The following GPC6 variants were observed in gnomAD, a reference collection of about 807,000 sequenced individuals.
GPC6 encodes the protein glypican 6, also known as glypican-6.
GPC6 carries 14 observed loss-of-function variants against 55.2 expected under a neutral mutation model. The observed-to-expected ratio is 0.25, with a 90% CI of 0.17 to 0.40. The LOEUF (loss-of-function observed/expected upper bound fraction) is 0.40. GPC6 is among the 10% of genes least tolerant of loss of function. GPC6 has a pLI of 1.00. For synonymous variants in GPC6, 278 were observed against 259.6 expected, an observed-to-expected ratio of 1.07 and a Z score of -0.68; for missense variants, 641 against 708.5, an observed-to-expected ratio of 0.90 and a Z score of 1.08.
intron 2 of GPC6, among the ~76,000 whole-genome samples, chr13:93,762,753 T>A (rs2138879136): frequency 6.6e-6 from 1 of 152,354 alleles, no homozygotes; most frequent in Admixed American, 6.5e-5. Flanking sequence ...TAAGTCAGGT[T>A]CTGATGTGCT....
At chr13:94,287,807 C>T (rs1450724199) in intron 5 of GPC6, among the ~76,000 whole-genome samples, 3 of 152,254 alleles carry the variant, frequency 2.0e-5, no homozygotes, top group South Asian at 2.1e-4. Context: ...TTGAAAGGCA[C>T]GGTATCCCGT....
chr13:94,218,912 G>T (rs946873872), intron 4 of GPC6, among the ~76,000 whole-genome samples: 7 of 152,086 alleles, frequency 4.6e-5, no homozygotes, highest in African/African-American at 1.4e-4. Flanking sequence ...TCTGATGAAG[G>T]TGGTTACTCT....
intron 1 of GPC6, among the ~76,000 whole-genome samples, chr13:93,423,903 A>G (rs1337669946): frequency 2.0e-5 from 3 of 149,396 alleles, no homozygotes; most frequent in Non-Finnish European, 4.5e-5. Flanking sequence ...GCCAGTATTT[A>G]AGGAATGGAT....
At chr13:93,541,734 T>C (rs1207862521) in intron 1 of GPC6, among the ~76,000 whole-genome samples, 6 of 147,940 alleles carry the variant, frequency 4.1e-5, no homozygotes, top group African/African-American at 1.5e-4. Flanking sequence ...TGCTGTGAGA[T>C]GGTATCTCAT....
intron 1 of GPC6, among the ~76,000 whole-genome samples, chr13:93,341,626 C>T (rs933969022): frequency 2.6e-4 from 39 of 149,184 alleles, no homozygotes; most frequent in African/African-American, 8.8e-4. Context: ...GCTTGAGTTC[C>T]TTGTAGATTC....
intron 2 of GPC6, among the ~76,000 whole-genome samples, chr13:93,560,357 A>G (rs1163999088): frequency 6.6e-6 from 1 of 151,798 alleles, no homozygotes; most frequent in Non-Finnish European, 1.5e-5. Flanking sequence ...AAAAAAAAAA[A>G]AAAAAAAATT....
intron 2 of GPC6, among the ~76,000 whole-genome samples, chr13:93,794,933 C>T (rs2138927799): frequency 6.6e-6 from 1 of 152,296 alleles, no homozygotes; most frequent in African/African-American, 2.4e-5. Flanking sequence ...TCACTCTTTT[C>T]CATCAGCCCC....
intron 4 of GPC6, among the ~76,000 whole-genome samples, chr13:94,262,493 T>G (rs1594108379): frequency 6.6e-6 from 1 of 151,950 alleles, no homozygotes; most frequent in Non-Finnish European, 1.5e-5. Flanking sequence ...GCCAACATGG[T>G]GAAACCCCGT....
intron 4 of GPC6, among the ~76,000 whole-genome samples, chr13:94,123,716 G>C (rs898014115): frequency 6.6e-6 from 1 of 151,956 alleles, no homozygotes; most frequent in African/African-American, 2.4e-5. Flanking sequence ...AAAAGGGAGT[G>C]GGGGAGGGGG....
intron 1 of GPC6, among the ~76,000 whole-genome samples, chr13:93,534,174 C>G (rs975463495): frequency 1.3e-5 from 2 of 152,156 alleles, no homozygotes; most frequent in Non-Finnish European, 2.9e-5. Flanking sequence ...GAAGGCCCAT[C>G]TCTCTCTTTC....
chr13:93,441,576 G>T (rs1877804870), intron 1 of GPC6, among the ~76,000 whole-genome samples: 1 of 152,196 alleles, frequency 6.6e-6, no homozygotes, highest in African/African-American at 2.4e-5. Context: ...TGAGTTCTTT[G>T]TAGATTCTGG....
At chr13:93,768,916 C>A (rs1885206018) in intron 2 of GPC6, among the ~76,000 whole-genome samples, 1 of 152,010 alleles carries the variant, frequency 6.6e-6, no homozygotes, top group African/African-American at 2.4e-5. Context: ...CAACTGGGAG[C>A]TTTATGGGAT....
At chr13:93,648,275 A>T (rs1366209866) in intron 2 of GPC6, among the ~76,000 whole-genome samples, 1 of 152,180 alleles carries the variant, frequency 6.6e-6, no homozygotes, top group Non-Finnish European at 1.5e-5. Flanking sequence ...AATCACATAT[A>T]ATACAGGTGT....
At chr13:93,342,604 A>G (rs914511560) in intron 1 of GPC6, among the ~76,000 whole-genome samples, 1 of 152,172 alleles carries the variant, frequency 6.6e-6, no homozygotes, top group African/African-American at 2.4e-5. Flanking sequence ...GGAACAGCCA[A>G]ACCTTACCAA....
chr13:93,444,344 C>T (rs1877917568), intron 1 of GPC6, among the ~76,000 whole-genome samples: 1 of 152,074 alleles, frequency 6.6e-6, no homozygotes, highest in Admixed American at 6.5e-5. Context: ...CGCCGTGTCT[C>T]ACGGCTGGAA....
At chr13:94,146,803 C>A (rs544579) in intron 4 of GPC6, among the ~76,000 whole-genome samples, 39,244 of 151,934 alleles carry the variant, frequency 0.26, 5,759 homozygotes, top group East Asian at 0.53. Context: ...TGACCAGATC[C>A]GAAAGCATTT....
chr13:93,227,409 G>T lies in GPC6; in HGVS notation c.-48G>T. 1 of 1,601,846 alleles carries T rather than the reference G, an allele frequency of 6.2e-7. No individual in the cohort carries two copies. The highest frequency in any genetic ancestry group is 8.5e-7 in the Non-Finnish European group (1 of 1,170,314). ...CTTTCGGCTTGAGGGGCAAGGTGAA[G>T]AGCGCACCGGCCGTGGGGTTTACCG... On this transcript the variant is annotated 5_prime_UTR_variant, in exon 1 of 9. Transcript: ENST00000377047. This position sits in a 1 kb window ranked among gnomAD's most constrained non-coding sequence, Gnocchi z 4.3.
intron 2 of GPC6, among the ~76,000 whole-genome samples, chr13:93,742,916 G>A (rs1369304514): frequency 6.6e-6 from 1 of 151,574 alleles, no homozygotes. Flanking sequence ...TTCAGAGCAT[G>A]TTTCACTATG....
At chr13:93,253,300 G>A (rs1876847760) in intron 1 of GPC6, among the ~76,000 whole-genome samples, 1 of 152,172 alleles carries the variant, frequency 6.6e-6, no homozygotes, top group Non-Finnish European at 1.5e-5. Flanking sequence ...TATTTATGAT[G>A]GAGGCTTTGA....
Sources: gnomAD v4.1 joint callset for allele counts (sites outside exome capture counted in the v4.1 genomes callset) on GRCh38, gnomAD v4.1.1 for gene constraint, Gnocchi (gnomAD v3.1) non-coding constraint, MANE v1.5 for transcripts, NCBI Gene and HGNC (gene_info 2026-07-23, HGNC 2026-07-21) for gene names.